Variants in AMOT observed in about 807,000 individuals in gnomAD.
The protein encoded by AMOT is angiomotin.
AMOT carries 11 observed loss-of-function variants against 67.0 expected under a neutral mutation model. The observed-to-expected ratio is 0.16, with a 90% CI of 0.10 to 0.27. AMOT has a LOEUF of 0.27. AMOT is among the 10% of genes least tolerant of loss of function. The pLI is 1.00. For missense variants in AMOT, 753 were observed against 852.0 expected (o/e 0.88, Z 1.45); for synonymous variants, 326 against 321.4 (o/e 1.01, Z -0.15).
At chrX:112,827,266 A>G (rs761783031) in intron 2 of AMOT, among the ~76,000 whole-genome samples, 158 of 112,769 alleles carry the variant, frequency 1.4e-3, no homozygotes, top group African/African-American at 4.9e-3. Context: ...TAAAAAAGAA[A>G]TCAGCCTAAG....
At chrX:112,834,646 G>C (rs1935088701) in intron 1 of AMOT, among the ~76,000 whole-genome samples, 1 of 112,728 alleles carries the variant, frequency 8.9e-6, no homozygotes, top group African/African-American at 3.2e-5. Flanking sequence ...AAATCCAGCT[G>C]TGTATAAAAC....
intron 4 of AMOT, among the ~76,000 whole-genome samples, chrX:112,821,511 C>A (rs1934714953): frequency 9.0e-6 from 1 of 111,541 alleles, no homozygotes; most frequent in Non-Finnish European, 1.9e-5. Flanking sequence ...TATATAGGAA[C>A]AACTAAATAT....
At chrX:112,817,660 C>T (rs1934604120) in intron 4 of AMOT, among the ~76,000 whole-genome samples, 1 of 112,226 alleles carries the variant, frequency 8.9e-6, no homozygotes, top group Non-Finnish European at 1.9e-5. Flanking sequence ...CCCATCTATG[C>T]CTCTGGTGTA....
At position 112,788,997 on chromosome X, in the gene AMOT, C is replaced by T. The variant is rs765422404; in HGVS notation, c.2117+1595G>A. Among the ~76,000 whole-genome samples the T allele has an allele frequency of 3.2e-4, 36 of 111,720 alleles. 1 individual carries two copies. Among genetic ancestry groups the T allele is most frequent in the South Asian group, 1.9e-3 (5 of 2,620 alleles). On this transcript the variant is annotated intron_variant, in intron 10 of 13. Transcript: ENST00000371959. Reference sequence around the variant, plus strand: ...GGAGGGTAGTTTCTTTATACAAGGCCCCCAAGTGACAACCCCTGAAGCTCT... The same window carrying T: ...GGAGGGTAGTTTCTTTATACAAGGCTCCCAAGTGACAACCCCTGAAGCTCT...
chrX:112,812,029 A>G (rs1439126390), intron 5 of AMOT, among the ~76,000 whole-genome samples: 1 of 112,297 alleles, frequency 8.9e-6, no homozygotes, highest in Non-Finnish European at 1.9e-5. Flanking sequence ...CACTGCCCTC[A>G]GGGAGGTTTC....
At position 112,830,199 on chromosome X, in the gene AMOT, T is replaced by A. The variant is rs767607629; in HGVS notation, c.-212+2095A>T. Among the ~76,000 whole-genome samples, 11 of 112,187 alleles carry A rather than the reference T, an allele frequency of 9.8e-5. No individual in the cohort carries two copies. The East Asian group carries it at 3.1e-3, about 31-fold the overall frequency. On this transcript the variant is annotated intron_variant, in intron 2 of 13. Coordinates refer to ENST00000371959, the MANE Select transcript of AMOT (RefSeq NM_001113490.2). Reference sequence around the variant, plus strand: ...ATTTCCTTTAGTTTTCCTATGTGTATTTGGGTTTTTACAAGCAATGAATTA... The same window carrying A: ...ATTTCCTTTAGTTTTCCTATGTGTAATTGGGTTTTTACAAGCAATGAATTA...
At position 112,776,219 on chromosome X, in the gene AMOT, T is replaced by C; in HGVS notation, c.*2348A>G. The C allele has an allele frequency of 8.9e-6, 1 of 112,348 alleles. No individual in the cohort carries two copies. Among genetic ancestry groups the C allele is most frequent in the Non-Finnish European group, 1.9e-5 (1 of 53,301 alleles). The allele number at this position is 112,348 out of a possible 1,213,427, so 9.3% of individuals were successfully genotyped here. On this transcript the variant is annotated 3_prime_UTR_variant, in exon 14 of 14. Transcript: ENST00000371959. ...CACACAATGTGGAATGTATGACATT[T>C]GTCACCTTGCAGAATGTGATTAAAA...
intron 5 of AMOT, among the ~76,000 whole-genome samples, chrX:112,814,256 G>A (rs189852431): frequency 0.02 from 2,100 of 104,023 alleles, 60 homozygotes; most frequent in African/African-American, 0.071. Flanking sequence ...TAGGTAACAA[G>A]AGCGAGACTC....
In AMOT at chrX:112,822,532, G is replaced by C; in HGVS notation, c.595C>G (p.Leu199Val). ...KAHPPVTSAP[L>V]SPPQPNDLYK... is the part of the protein sequence containing the mutation. ...AGGTCATTGGGTTGTGGTGGGGAGA[G>C]GGGAGCACTGGTAACAGGTGGATGG... The change falls in exon 4 of 14, where the codon CTC (leucine) becomes GTC (valine). Residue 199 changes from leucine to valine, a missense_variant. Around this residue, in one of 5 missense-constraint regions of AMOT, gnomAD observed 297 missense variants for 284.3 expected, o/e 1.04. Coordinates refer to ENST00000371959, the MANE Select transcript of AMOT (RefSeq NM_001113490.2). 3 of 1,167,905 alleles carry C rather than the reference G, an allele frequency of 2.6e-6. No homozygotes were observed. Among genetic ancestry groups the C allele is most frequent in the Non-Finnish European group, 3.4e-6 (3 of 873,082 alleles).
Position 112,829,117 on chromosome X carries a change from C to T in AMOT, c.-212+3177G>A, listed in dbSNP as rs773284486. ...CAGCTTGGCATTTGCTCTTACCTAA[C>T]TCTAGCACTAGTTCAAGAAAAGGCT... is the stretch of plus-strand genomic sequence containing the variant. On this transcript the variant is annotated intron_variant, in intron 2 of 13. Transcript: ENST00000371959. Among the ~76,000 whole-genome samples, 15 of 111,966 alleles carry T rather than the reference C, an allele frequency of 1.3e-4. No individual in the cohort carries two copies. The East Asian group carries it at 3.9e-3, about 29-fold the overall frequency.
chrX:112,788,426 T>C (rs1933453378), intron 10 of AMOT, among the ~76,000 whole-genome samples: 1 of 110,964 alleles, frequency 9.0e-6, no homozygotes. Flanking sequence ...ACAAAAGGAA[T>C]AAAAAGAAAT....
chrX:112,791,721 G>A, intron 9 of AMOT, 111 bp downstream of exon 9: 4 of 973,033 alleles, frequency 4.1e-6, no homozygotes, highest in Non-Finnish European at 5.6e-6. Context: ...GTAAAAATGA[G>A]CAAGTGTGTG....
intron 8 of AMOT, among the ~76,000 whole-genome samples, chrX:112,804,031 C>T (rs1260683806): frequency 8.9e-6 from 1 of 111,842 alleles, no homozygotes; most frequent in Non-Finnish European, 1.9e-5. Context: ...TAACAACTGA[C>T]ATCCAAGATA....
chrX:112,779,316 C>T lies in AMOT; in HGVS notation c.2838G>A (p.Gln946=), dbSNP rs759740942. The change falls in exon 13 of 14, where the codon CAG becomes CAA. Residue 946 remains glutamine, a synonymous_variant. Coordinates refer to ENST00000371959, the MANE Select transcript of AMOT (RefSeq NM_001113490.2). The part of the protein sequence containing the change: ...AAAVSPAAAG[Q]IPAAASVASA... ...AGGCAACAGAGGCAGCAGCTGGAAT[C>T]TGACCAGCAGCAGCTGGAGAAACAG... is the stretch of plus-strand genomic sequence containing the variant. 3.1e-5 allele frequency: 23 copies of T among 741,498 alleles called. No individual in the cohort carries two copies. The highest frequency in any genetic ancestry group is 4.1e-5 in the Non-Finnish European group (20 of 484,756). 61.1% of individuals were successfully genotyped at this position (741,498 alleles called of 1,213,427 possible).
intron 13 of AMOT, 148 bp downstream of exon 13, chrX:112,778,849 A>G: frequency 1.4e-6 from 1 of 713,557 alleles, no homozygotes. Context: ...GTGGATGAGA[A>G]GTCATTTACA....
chrX:112,804,760 G>T (rs909620215), intron 8 of AMOT, among the ~76,000 whole-genome samples, 187 bp downstream of exon 8: 3 of 111,395 alleles, frequency 2.7e-5, no homozygotes, highest in Non-Finnish European at 3.8e-5. Context: ...CAAAAGAAAA[G>T]AATTTACCAA....
chrX:112,830,514 A>G (rs1203051233), intron 2 of AMOT, among the ~76,000 whole-genome samples: 1 of 112,646 alleles, frequency 8.9e-6, no homozygotes, highest in Non-Finnish European at 1.9e-5. Context: ...AGAAGCATAA[A>G]TGTTTTTAGA....
chrX:112,812,504 G>C (rs186271736), intron 5 of AMOT, among the ~76,000 whole-genome samples: 1 of 111,838 alleles, frequency 8.9e-6, no homozygotes, highest in African/African-American at 3.2e-5. Context: ...AATAAACTCA[G>C]AGAGAAAGGG....
At chrX:112,793,607 C>G (rs778816462) in intron 8 of AMOT, among the ~76,000 whole-genome samples, 1 of 112,382 alleles carries the variant, frequency 8.9e-6, no homozygotes, top group East Asian at 2.8e-4. Context: ...TATTTTCCTA[C>G]CAGACCTGTA....
Sources: allele counts gnomAD v4.1 joint callset (sites outside exome capture counted in the v4.1 genomes callset), GRCh38; gene constraint gnomAD v4.1.1; regional missense constraint gnomAD v4.1.1; transcripts MANE v1.5; gene names NCBI Gene and HGNC (gene_info 2026-07-23, HGNC 2026-07-21).